VPS50: variants seen among roughly 807,000 people sequenced by gnomAD.
The protein encoded by VPS50 is VPS50 subunit of EARP/GARPII complex.
VPS50 carries 70 observed loss-of-function variants against 139.7 expected under a neutral mutation model. The ratio of observed to expected loss-of-function variants is 0.50; its 90% CI spans 0.41 to 0.61. The LOEUF (loss-of-function observed/expected upper bound fraction) is 0.61, where lower values mean the gene tolerates loss of function less well. VPS50 is among the 20% of genes least tolerant of loss of function. The pLI is 0.00. For synonymous variants in VPS50, 365 were observed against 376.7 expected, an observed-to-expected ratio of 0.97 and a Z score of 0.36; for missense variants, 921 against 1,133.7, an observed-to-expected ratio of 0.81 and a Z score of 2.69.
At chr7:93,352,468 C>G (rs1170787667) in intron 25 of VPS50, among the ~76,000 whole-genome samples, 1 of 152,188 alleles carries the variant, frequency 6.6e-6, no homozygotes, top group Non-Finnish European at 1.5e-5. Flanking sequence ...ACACAGTTGT[C>G]ATTAGCCTGA....
chr7:93,252,636 A>ATTTTT lies in VPS50; in HGVS notation c.103-12_103-8dup. 2 of 1,535,922 alleles carry ATTTTT rather than the reference A, an allele frequency of 1.3e-6. No homozygotes were observed. The highest frequency in any genetic ancestry group is 1.2e-5 in the South Asian group (1 of 85,342). The stretch of plus-strand genomic sequence containing the variant: ...AACAGCTACAATTACTATAATTGTG[A>ATTTTT]TTTTTTTTTCTTAAAGGAAGAATTC... On this transcript the variant is annotated splice_polypyrimidine_tract_variant and intron_variant, in intron 2 of 27. Coordinates refer to ENST00000305866, the MANE Select transcript of VPS50 (RefSeq NM_017667.4).
chr7:93,301,158 G>A (rs1354146348), intron 16 of VPS50, among the ~76,000 whole-genome samples: 3 of 151,956 alleles, frequency 2.0e-5, no homozygotes, highest in East Asian at 1.9e-4. Flanking sequence ...TTACCCGGGC[G>A]TGGTGGCGGG....
chr7:93,321,412 C>T (rs1797610161), intron 20 of VPS50, among the ~76,000 whole-genome samples: 2 of 152,118 alleles, frequency 1.3e-5, no homozygotes, highest in Admixed American at 6.5e-5. Flanking sequence ...TCTGCCTGTT[C>T]TGTCCTCTTG....
At chr7:93,250,636 A>G (rs1795294461) in intron 2 of VPS50, among the ~76,000 whole-genome samples, 1 of 152,208 alleles carries the variant, frequency 6.6e-6, no homozygotes, top group South Asian at 2.1e-4. Context: ...AGGCATGGGC[A>G]AAGACTTCAT....
chr7:93,319,665 A>G (rs970197533), intron 20 of VPS50, among the ~76,000 whole-genome samples: 2 of 152,080 alleles, frequency 1.3e-5, no homozygotes, highest in African/African-American at 4.8e-5. Flanking sequence ...TTCATTTTCA[A>G]TGTGTTTGAT....
At chr7:93,296,607 C>A in intron 14 of VPS50, 135 bp from the exon 15 acceptor site, 1 of 1,440,072 alleles carries the variant, frequency 6.9e-7, no homozygotes, top group Non-Finnish European at 9.1e-7. Flanking sequence ...TGGCTATTGG[C>A]CTAAATAGAT....
chr7:93,342,478 A>C (rs2117063498), intron 23 of VPS50, among the ~76,000 whole-genome samples: 1 of 152,346 alleles, frequency 6.6e-6, no homozygotes, highest in South Asian at 2.1e-4. Context: ...AGCCCACCAC[A>C]GCCCAAGGAG....
chr7:93,330,129 T>C (rs61365958), intron 21 of VPS50, among the ~76,000 whole-genome samples: 2 of 152,274 alleles, frequency 1.3e-5, no homozygotes, highest in East Asian at 3.9e-4. Flanking sequence ...CAACAAAGTA[T>C]GTGGGGGGTT....
intron 2 of VPS50, among the ~76,000 whole-genome samples, chr7:93,250,758 A>C (rs189510018): frequency 1.3e-5 from 2 of 152,296 alleles, no homozygotes; most frequent in African/African-American, 4.8e-5. Context: ...TGAAAAGGCA[A>C]CCTACAGAAT....
intron 20 of VPS50, chr7:93,320,742 C>G (rs905659804): frequency 1.3e-5 from 2 of 152,374 alleles, no homozygotes; most frequent in African/African-American, 2.4e-5. Flanking sequence ...ACACCTCTAA[C>G]TGCTGGAGAG....
At chr7:93,271,013 G>T (rs1186236517) in intron 9 of VPS50, 7 of 615,872 alleles carry the variant, frequency 1.1e-5, no homozygotes, top group Admixed American at 4.9e-5. Flanking sequence ...TTCTACTCAC[G>T]CAATCCTGTT....
At chr7:93,246,693 T>C (rs1795166756) in intron 2 of VPS50, among the ~76,000 whole-genome samples, 2 of 151,912 alleles carry the variant, frequency 1.3e-5, no homozygotes, top group Non-Finnish European at 2.9e-5. Context: ...GGATTAGTAT[T>C]TTTAATTAGT....
At chr7:93,356,343 A>G (rs538443249) in intron 27 of VPS50, among the ~76,000 whole-genome samples, 3 of 152,296 alleles carry the variant, frequency 2.0e-5, no homozygotes, top group Admixed American at 2.0e-4. Context: ...AAGCCAAGAC[A>G]TTAGCTATAT....
At chr7:93,240,536 T>C (rs1794959026) in intron 2 of VPS50, among the ~76,000 whole-genome samples, 1 of 152,164 alleles carries the variant, frequency 6.6e-6, no homozygotes, top group Non-Finnish European at 1.5e-5. Flanking sequence ...GCTAGCTAGA[T>C]TCCCCTTGGA....
intron 23 of VPS50, among the ~76,000 whole-genome samples, chr7:93,345,205 A>T (rs924987653): frequency 2.0e-5 from 3 of 152,264 alleles, no homozygotes; most frequent in African/African-American, 7.2e-5. Flanking sequence ...AAACACCTCT[A>T]CGCAAATAAA....
intron 16 of VPS50, among the ~76,000 whole-genome samples, chr7:93,297,455 C>T (rs1796843865): frequency 6.6e-6 from 1 of 151,584 alleles, no homozygotes; most frequent in African/African-American, 2.4e-5. Context: ...ATATTTTTGT[C>T]TTGAGGGGCT....
At chr7:93,286,739 A>G (rs1221271270) in intron 12 of VPS50, among the ~76,000 whole-genome samples, 8 of 152,058 alleles carry the variant, frequency 5.3e-5, no homozygotes, top group Admixed American at 5.2e-4. Flanking sequence ...TGATTCATTC[A>G]TGTCTTTGTA....
At chr7:93,343,117 C>G (rs1217641248) in intron 23 of VPS50, among the ~76,000 whole-genome samples, 1 of 152,048 alleles carries the variant, frequency 6.6e-6, no homozygotes, top group East Asian at 1.9e-4. Flanking sequence ...AGTAGAATAA[C>G]CAATACAGAG....
rs1179801792 is a variant in VPS50, at chr7:93,232,406, T to C, written c.-62T>C. The C allele has an allele frequency of 1.4e-6, 2 of 1,407,490 alleles. No individual in the cohort carries two copies. Among genetic ancestry groups the C allele is most frequent in the Non-Finnish European group, 2.0e-6 (2 of 992,522 alleles). The allele number at this position is 1,407,490 out of a possible 1,614,324, so 87.2% of individuals were successfully genotyped here. On this transcript the variant is annotated 5_prime_UTR_variant, in exon 1 of 28. Transcript: ENST00000305866. ...GGCTTCCTAGTGTCAGGGCCAGCTG[T>C]GTAGTGGCTCGGTGTGATTTGTTAG...
Sources: gnomAD v4.1 joint callset for allele counts (sites outside exome capture counted in the v4.1 genomes callset) on GRCh38, gnomAD v4.1.1 for gene constraint, MANE v1.5 for transcripts, NCBI Gene and HGNC (gene_info 2026-07-23, HGNC 2026-07-21) for gene names.